The following KDM4C variants were observed in gnomAD, a reference collection of about 807,000 sequenced individuals.
KDM4C encodes lysine-specific demethylase 4C.
Under a neutral mutation model 129.3 loss-of-function variants are expected in KDM4C, and 81 were observed. That is an observed-to-expected ratio of 0.63 (90% CI 0.52 to 0.75). The LOEUF is 0.75. KDM4C is among the 30% of genes least tolerant of loss of function. The pLI, the probability that KDM4C is intolerant of heterozygous loss-of-function variation, is 0.00. For missense variants in KDM4C, 1,457 were observed against 1,304.0 expected, an observed-to-expected ratio of 1.12 and a Z score of -1.81; for synonymous variants, 573 against 456.1, an observed-to-expected ratio of 1.26 and a Z score of -3.26.
In KDM4C at chr9:7,049,205, G is replaced by A; in HGVS notation, c.2424+5G>A. On this transcript the variant is annotated splice_donor_5th_base_variant and intron_variant, in intron 17 of 21. Coordinates refer to ENST00000381309, the MANE Select transcript of KDM4C (RefSeq NM_015061.6). ...CCTTTACAGAGGTTAAAATTGGTGA[G>A]TGGCAAAGCTTCTTTTTTACCTCAT... 6.7e-7 allele frequency: 1 copy of A among 1,485,892 alleles called. No homozygotes were observed. Among genetic ancestry groups the A allele is most frequent in the Non-Finnish European group, 9.3e-7 (1 of 1,070,590 alleles). 92.0% of individuals were successfully genotyped at this position (1,485,892 alleles called of 1,614,324 possible).
intron 1 of KDM4C, among the ~76,000 whole-genome samples, chr9:6,785,872 AC>A (rs1825376640): frequency 6.6e-6 from 1 of 152,192 alleles, no homozygotes; most frequent in South Asian, 2.1e-4. Flanking sequence ...GTGAGGCCAC[AC>A]CCAGTGTGCT....
At chr9:6,828,489 A>G (rs879850171) in intron 4 of KDM4C, among the ~76,000 whole-genome samples, 12 of 152,054 alleles carry the variant, frequency 7.9e-5, no homozygotes, top group Non-Finnish European at 1.8e-4. Context: ...GCCCCAGAGC[A>G]GGTTGGGCTG....
intron 4 of KDM4C, among the ~76,000 whole-genome samples, chr9:6,832,518 T>C (rs1368859172): frequency 2.1e-4 from 30 of 142,250 alleles, no homozygotes; most frequent in Middle Eastern, 3.6e-3. Context: ...CTCCGCCTCC[T>C]GGGTTCACGC....
chr9:6,836,603 C>A (rs888623722), intron 4 of KDM4C, among the ~76,000 whole-genome samples: 1 of 152,042 alleles, frequency 6.6e-6, no homozygotes, highest in African/African-American at 2.4e-5. Context: ...TGATTTCTTG[C>A]CTTGTAAAAA....
intron 1 of KDM4C, among the ~76,000 whole-genome samples, chr9:6,783,834 G>A (rs1161393152): frequency 1.3e-5 from 2 of 152,186 alleles, no homozygotes; most frequent in Non-Finnish European, 2.9e-5. Context: ...CATTGGTGGA[G>A]GCAGACATCA....
At chr9:6,984,745 C>T (rs1168071679) in intron 10 of KDM4C, among the ~76,000 whole-genome samples, 1 of 151,594 alleles carries the variant, frequency 6.6e-6, no homozygotes, top group Admixed American at 6.6e-5. Flanking sequence ...GTAGAGAAAA[C>T]CAATTATAGA....
intron 4 of KDM4C, among the ~76,000 whole-genome samples, chr9:6,834,305 G>A (rs1322035599): frequency 2.0e-5 from 3 of 152,060 alleles, no homozygotes; most frequent in Non-Finnish European, 4.4e-5. Context: ...CCAAAGTGCT[G>A]AGATTACAGC....
At chr9:6,856,883 G>A (rs939060280) in intron 5 of KDM4C, among the ~76,000 whole-genome samples, 2 of 149,578 alleles carry the variant, frequency 1.3e-5, no homozygotes, top group Non-Finnish European at 1.5e-5. Flanking sequence ...TCAGCCTCCC[G>A]AGTAGCTGGG....
intron 17 of KDM4C, among the ~76,000 whole-genome samples, chr9:7,058,533 C>T (rs1043107447): frequency 7.9e-5 from 12 of 152,242 alleles, no homozygotes; most frequent in African/African-American, 2.9e-4. Context: ...TACAAGCTTG[C>T]TGCAGCTCAC....
At chr9:6,990,588 A>G (rs1433769808) in intron 12 of KDM4C, 64 bp downstream of exon 12, 3 of 1,050,712 alleles carry the variant, frequency 2.9e-6, no homozygotes, top group Admixed American at 2.7e-5. Flanking sequence ...AAACTATTGT[A>G]AAAAAAATTG....
chr9:7,143,709 C>G (rs1841972605), intron 19 of KDM4C, among the ~76,000 whole-genome samples: 1 of 152,176 alleles, frequency 6.6e-6, no homozygotes, highest in Non-Finnish European at 1.5e-5. Flanking sequence ...TTCAACAACA[C>G]AAGAATCATT....
At chr9:6,774,836 C>A (rs1822665812) in intron 1 of KDM4C, among the ~76,000 whole-genome samples, 1 of 152,138 alleles carries the variant, frequency 6.6e-6, no homozygotes, top group African/African-American at 2.4e-5. Context: ...TCTATCTCAT[C>A]CATCTTCTCT....
rs1470957800 is a variant in KDM4C, at chr9:6,729,800, T to TA, written c.49+8809dup. 1.5e-5 allele frequency among the ~76,000 whole-genome samples: 2 copies of TA among 133,820 alleles called. 1 individual carries two copies. Among genetic ancestry groups the TA allele is most frequent in the Non-Finnish European group, 3.1e-5 (2 of 65,358 alleles). The allele number at this position is 133,820 out of a possible 152,430, so 87.8% of individuals were successfully genotyped here. ...ACTTTGGGCCTAAATACTGACGAGA[T>TA]AAAAAAGGCTTAATAAAGCCTTCCT... On this transcript the variant is annotated intron_variant, in intron 1 of 17. Coordinates refer to the KDM4C transcript ENST00000536108.
intron 18 of KDM4C, among the ~76,000 whole-genome samples, chr9:7,120,543 C>A (rs1205358093): frequency 6.6e-6 from 1 of 152,060 alleles, no homozygotes; most frequent in African/African-American, 2.4e-5. Flanking sequence ...TCCAAAAAGA[C>A]CTGATTAGTT....
intron 6 of KDM4C, among the ~76,000 whole-genome samples, chr9:6,884,800 A>G (rs565580358): frequency 1.3e-5 from 2 of 152,318 alleles, no homozygotes; most frequent in African/African-American, 4.8e-5. Context: ...ATTTAATACT[A>G]TAGCGTGTGT....
intron 19 of KDM4C, among the ~76,000 whole-genome samples, chr9:7,131,292 G>A (rs1275274956): frequency 1.3e-5 from 2 of 152,128 alleles, no homozygotes; most frequent in Non-Finnish European, 2.9e-5. Context: ...AGCTGCTGTA[G>A]CCTCTTCCCT....
intron 8 of KDM4C, among the ~76,000 whole-genome samples, chr9:6,946,445 T>A (rs1454694794): frequency 1.3e-5 from 2 of 152,190 alleles, no homozygotes; most frequent in Non-Finnish European, 2.9e-5. Context: ...GTTTTTGATT[T>A]ATTTAACATA....
chr9:6,948,101 A>G (rs946893286), intron 8 of KDM4C: 7 of 152,098 alleles, frequency 4.6e-5, no homozygotes, highest in African/African-American at 7.2e-5. Flanking sequence ...TTGAATCCCA[A>G]TTTTTATGGT....
chr9:6,798,860 G>C (rs1025389781), intron 2 of KDM4C, among the ~76,000 whole-genome samples: 7 of 152,088 alleles, frequency 4.6e-5, no homozygotes, highest in Non-Finnish European at 1.5e-5. Flanking sequence ...CGGCTGCCGG[G>C]CGGAGGGTCT....
Sources: allele counts gnomAD v4.1 joint callset (sites outside exome capture counted in the v4.1 genomes callset), GRCh38; gene constraint gnomAD v4.1.1; transcripts MANE v1.5; gene names NCBI Gene and HGNC (gene_info 2026-07-23, HGNC 2026-07-21).